The following PPM1B variants were observed in gnomAD, a reference collection of about 807,000 sequenced individuals.
PPM1B encodes protein phosphatase, Mg2+/Mn2+ dependent 1B.
A neutral mutation model predicts 43.0 loss-of-function variants in PPM1B; 22 were observed. That is an observed-to-expected ratio of 0.51 (90% CI 0.37 to 0.73). The LOEUF (loss-of-function observed/expected upper bound fraction) is 0.73. Ranked by LOEUF, PPM1B falls within the 30% of genes least tolerant of loss-of-function variation. PPM1B has a pLI of 0.00. For synonymous variants in PPM1B, 217 were observed against 197.9 expected (o/e 1.10, Z -0.81); for missense variants, 632 against 584.2 (o/e 1.08, Z -0.84).
At chr2:44,244,436 A>G, downstream of PPM1B, 1 of 1,143,378 alleles carries the variant, frequency 8.7e-7, no homozygotes, top group South Asian at 1.6e-5. Flanking sequence ...GTGGAGACAG[A>G]GAAGGACTGT....
chr2:44,222,365 C>G (rs1465419048), intron 5 of PPM1B, among the ~76,000 whole-genome samples: 2 of 152,110 alleles, frequency 1.3e-5, no homozygotes, highest in African/African-American at 2.4e-5. Flanking sequence ...TTTGAGGTTA[C>G]TAATTGGTAT....
chr2:44,228,622 A>C (rs541566082), intron 5 of PPM1B, among the ~76,000 whole-genome samples: 4 of 152,230 alleles, frequency 2.6e-5, no homozygotes, highest in Non-Finnish European at 5.9e-5. Context: ...GTGTCACATC[A>C]ACTGTATCAA....
chr2:44,198,911 T>A (rs2104113311), intron 1 of PPM1B, among the ~76,000 whole-genome samples: 1 of 152,258 alleles, frequency 6.6e-6, no homozygotes, highest in East Asian at 1.9e-4. Flanking sequence ...ACTACGTATT[T>A]TGCAGTTGAA....
At chr2:44,202,202 C>T (rs1299099571) in intron 2 of PPM1B, among the ~76,000 whole-genome samples, 157 bp downstream of exon 2, 1 of 152,206 alleles carries the variant, frequency 6.6e-6, no homozygotes, top group East Asian at 1.9e-4. Context: ...GTTTTCTTTG[C>T]CATCCTTGTT....
At chr2:44,234,957 A>G (rs565899569), downstream of PPM1B, among the ~76,000 whole-genome samples, 1 of 152,190 alleles carries the variant, frequency 6.6e-6, no homozygotes, top group African/African-American at 2.4e-5. Flanking sequence ...TTTTGCGTTC[A>G]GTCTGTTGAA....
downstream of PPM1B, among the ~76,000 whole-genome samples, chr2:44,236,964 CATATT>C (rs1270836509): frequency 2.6e-5 from 4 of 152,158 alleles, no homozygotes; most frequent in Admixed American, 1.3e-4. Context: ...ATGTTTTTCA[CATATT>C]AGACAATTCC....
At chr2:44,203,849 T>A (rs780551194) in intron 2 of PPM1B, among the ~76,000 whole-genome samples, 4 of 152,254 alleles carry the variant, frequency 2.6e-5, no homozygotes, top group Non-Finnish European at 4.4e-5. Flanking sequence ...GTAGATTAAC[T>A]CACTTATCCA....
chr2:44,219,807 G>A (rs1309168835), intron 5 of PPM1B, among the ~76,000 whole-genome samples: 1 of 152,000 alleles, frequency 6.6e-6, no homozygotes, highest in Non-Finnish European at 1.5e-5. Context: ...ACTGGGCATG[G>A]TGGCGCATGT....
chr2:44,199,810 A>G (rs1020868494), intron 1 of PPM1B, among the ~76,000 whole-genome samples: 1 of 152,246 alleles, frequency 6.6e-6, no homozygotes, highest in Non-Finnish European at 1.5e-5. Flanking sequence ...ACAGTATCAC[A>G]TATAACCCAG....
intron 2 of PPM1B, among the ~76,000 whole-genome samples, chr2:44,207,888 CTTT>C (rs569077342): frequency 2.9e-4 from 28 of 97,352 alleles, no homozygotes; most frequent in Admixed American, 5.0e-4. Flanking sequence ...TGGCTTTATG[CTTT>C]TTTTTTTTTT....
intron 3 of PPM1B, among the ~76,000 whole-genome samples, chr2:44,215,410 A>G (rs1244562614): frequency 1.3e-5 from 2 of 152,106 alleles, no homozygotes; most frequent in East Asian, 3.8e-4. Flanking sequence ...GTGAGCTATG[A>G]TGGCACCACT....
Position 44,230,581 on chromosome 2 carries a change from A to G in PPM1B, c.1303A>G (p.Thr435Ala). The change falls in exon 6 of 6, where the codon ACA becomes GCA. Residue 435 changes from threonine (T) to alanine (A), a missense_variant. Physicochemically the swap from Thr to Ala is moderately conservative, Grantham distance 58 (BLOSUM62 0). Around this residue, in one of 3 missense-constraint regions of PPM1B, gnomAD observed 392 missense variants for 302.7 expected, o/e 1.29. Transcript: ENST00000282412. The part of the protein sequence containing the change: ...GEESPAEPAA[T>A]ATSSNSDAGN... Reference sequence around the variant, plus strand: ...AGAAAGCCCTGCTGAACCAGCTGCCACAGCTACTTCTTCGAACAGTGATGC... The same window carrying G: ...AGAAAGCCCTGCTGAACCAGCTGCCGCAGCTACTTCTTCGAACAGTGATGC... The G allele has an allele frequency of 6.2e-7, 1 of 1,614,184 alleles. No homozygotes were observed. Among genetic ancestry groups the G allele is most frequent in the Non-Finnish European group, 8.5e-7 (1 of 1,180,016 alleles).
intron 1 of PPM1B, among the ~76,000 whole-genome samples, chr2:44,182,035 A>T (rs1350408933): frequency 6.6e-6 from 1 of 152,200 alleles, no homozygotes; most frequent in Admixed American, 6.5e-5. Flanking sequence ...AGGCGTTACC[A>T]ATAGTTTGAA....
At chr2:44,184,387 A>C (rs1229481760) in intron 1 of PPM1B, among the ~76,000 whole-genome samples, 1 of 152,134 alleles carries the variant, frequency 6.6e-6, no homozygotes, top group Non-Finnish European at 1.5e-5. Context: ...GATTCTCAGT[A>C]ATTTTTACTG....
At chr2:44,208,700 C>A (rs556337269) in intron 2 of PPM1B, among the ~76,000 whole-genome samples, 1 of 152,026 alleles carries the variant, frequency 6.6e-6, no homozygotes, top group Non-Finnish European at 1.5e-5. Context: ...GCAACAAGAG[C>A]GAAACTTTGT....
Position 44,201,167 on chromosome 2 carries a change from C to T in PPM1B, c.-14-19C>T, listed in dbSNP as rs1260162514. On this transcript the variant is annotated intron_variant, in intron 1 of 5. Coordinates refer to ENST00000282412, the MANE Select transcript of PPM1B (RefSeq NM_002706.6). The surrounding 1 kb of genome is among the most constrained non-coding windows in gnomAD (Gnocchi z 5.4). ...TTCTGTCAAATTTAAACATTTAACA[C>T]CTGCATTTTTTATTTCAGATTTATT... The T allele has an allele frequency of 1.3e-6, 2 of 1,553,902 alleles. No homozygotes were observed. Among genetic ancestry groups the T allele is most frequent in the South Asian group, 2.5e-5 (2 of 80,112 alleles).
At chr2:44,204,731 C>T (rs1220744012) in intron 2 of PPM1B, among the ~76,000 whole-genome samples, 1 of 151,640 alleles carries the variant, frequency 6.6e-6, no homozygotes, top group African/African-American at 2.4e-5. Context: ...TTGTGGTGGG[C>T]GCTTGTAGTC....
rs1208579850 is a variant in PPM1B, at chr2:44,230,321, A to G, written c.1135-92A>G. 5 of 1,532,992 alleles carry G rather than the reference A, an allele frequency of 3.3e-6. No individual in the cohort carries two copies. The African/African-American group carries it at 4.2e-5, about 13-fold the overall frequency. The allele number at this position is 1,532,992 out of a possible 1,614,324, so 95.0% of individuals were successfully genotyped here. On this transcript the variant is annotated intron_variant, in intron 5 of 5. Transcript: ENST00000282412. ...TGCTTAGACTATATTACTTTTCGGT[A>G]GAGAAATTAGTATTTTGCTGTAATG...
chr2:44,225,142 C>G (rs990222894), intron 5 of PPM1B, among the ~76,000 whole-genome samples: 1 of 152,062 alleles, frequency 6.6e-6, no homozygotes, highest in Non-Finnish European at 1.5e-5. Context: ...TTGTAGGGTA[C>G]CTGTGAGGAT....
Sources: gnomAD v4.1 joint callset for allele counts (sites outside exome capture counted in the v4.1 genomes callset) on GRCh38, gnomAD v4.1.1 for gene constraint, gnomAD v4.1.1 regional missense constraint, Gnocchi (gnomAD v3.1) non-coding constraint, MANE v1.5 for transcripts, NCBI Gene and HGNC (gene_info 2026-07-23, HGNC 2026-07-21) for gene names.